The following XYLB variants were observed in gnomAD, a reference collection of about 807,000 sequenced individuals.
XYLB encodes xylulokinase.
XYLB carries 62 observed loss-of-function variants against 78.7 expected under a neutral mutation model. The observed-to-expected ratio is 0.79, with a 90% confidence interval of 0.64 to 0.97. XYLB has a LOEUF of 0.97. XYLB is among the 50% of genes least tolerant of loss of function. The pLI is 0.00. For synonymous variants in XYLB, 245 were observed against 247.4 expected (o/e 0.99, Z 0.09); for missense variants, 687 against 676.8 (o/e 1.02, Z -0.17).
At chr3:38,381,803 C>T (rs2125617568) in intron 15 of XYLB, among the ~76,000 whole-genome samples, 1 of 152,290 alleles carries the variant, frequency 6.6e-6, no homozygotes, top group South Asian at 2.1e-4. Flanking sequence ...AAGATGTTAC[C>T]AATGACAATG....
chr3:38,371,297 G>T lies in XYLB; in HGVS notation c.765+1123G>T, dbSNP rs569760039. Among the ~76,000 whole-genome samples the T allele has an allele frequency of 1.4e-3, 208 of 149,438 alleles. 1 individual carries two copies. Among genetic ancestry groups the T allele is most frequent in the African/African-American group, 4.9e-3 (200 of 40,500 alleles). On this transcript the variant is annotated intron_variant, in intron 9 of 18. Coordinates refer to ENST00000207870, the MANE Select transcript of XYLB (RefSeq NM_005108.4). ...CTAATTTTTTTTTTTTTTTGAGACA[G>T]AGTCTCGCTTTTGTCACCCAGGCTG... is the stretch of plus-strand genomic sequence containing the variant.
Position 38,349,782 on chromosome 3 carries a change from CCT to C in XYLB, c.140+1156_140+1157del, listed in dbSNP as rs1205096397. 2.6e-5 allele frequency among the ~76,000 whole-genome samples: 4 copies of C among 152,164 alleles called. No homozygotes were observed. The East Asian group carries it at 7.7e-4, about 29-fold the overall frequency. On this transcript the variant is annotated intron_variant, in intron 2 of 18. Coordinates refer to ENST00000207870, the MANE Select transcript of XYLB (RefSeq NM_005108.4). ...CTGGGAAGATTGGTCTCCTCTGGGA[CCT>C]CTCTCCTTGGCTTGCAGGTGACCAC...
At chr3:38,407,661 T>A (rs1575540036) in intron 18 of XYLB, among the ~76,000 whole-genome samples, 1 of 152,030 alleles carries the variant, frequency 6.6e-6, no homozygotes, top group Non-Finnish European at 1.5e-5. Flanking sequence ...GAGACACACA[T>A]AGGCTCAAAA....
chr3:38,389,986 A>T (rs1707581553), intron 15 of XYLB, among the ~76,000 whole-genome samples: 1 of 152,102 alleles, frequency 6.6e-6, no homozygotes, highest in Non-Finnish European at 1.5e-5. Context: ...ATGAATCAGC[A>T]CTTAAGGGCT....
chr3:38,408,805 C>G (rs1175252656), intron 18 of XYLB, among the ~76,000 whole-genome samples: 4 of 151,600 alleles, frequency 2.6e-5, no homozygotes, highest in Admixed American at 6.6e-5. Flanking sequence ...ATAAATTCCT[C>G]GACACATACA....
chr3:38,369,562 C>T lies in XYLB; in HGVS notation c.647-494C>T, dbSNP rs148806102. Among the ~76,000 whole-genome samples the T allele has an allele frequency of 3.0e-3, 456 of 152,306 alleles. 3 individuals carry two copies. Among genetic ancestry groups the T allele is most frequent in the African/African-American group, 0.01 (433 of 41,558 alleles). On this transcript the variant is annotated intron_variant, in intron 8 of 18. Transcript: ENST00000207870. ...TTCTCTCCACCCATGCTCTGGGTTCCCTGTCCTTTCCCATCCTCAGGAAAG... is the reference window on the plus strand; with the variant it reads ...TTCTCTCCACCCATGCTCTGGGTTCTCTGTCCTTTCCCATCCTCAGGAAAG...
chr3:38,411,032 T>C (rs1385691949), intron 18 of XYLB, among the ~76,000 whole-genome samples: 1 of 152,004 alleles, frequency 6.6e-6, no homozygotes, highest in African/African-American at 2.4e-5. Context: ...CATTACTAGG[T>C]ATATACCCAA....
Position 38,414,539 on chromosome 3 carries a change from G to A in XYLB, c.*1526G>A, listed in dbSNP as rs949689703. On this transcript the variant is annotated 3_prime_UTR_variant, in exon 19 of 19. Transcript: ENST00000207870. Reference sequence around the variant, plus strand: ...AAACTGTAACTAAACACTTCAACATGAATTTGAAAATAAATAATTGTGGAT... The same window carrying A: ...AAACTGTAACTAAACACTTCAACATAAATTTGAAAATAAATAATTGTGGAT... The A allele has an allele frequency of 3.3e-5, 5 of 152,046 alleles. No homozygotes were observed. Among genetic ancestry groups the A allele is most frequent in the African/African-American group, 1.2e-4 (5 of 41,382 alleles). The allele number at this position is 152,046 out of a possible 1,614,324, so 9.4% of individuals were successfully genotyped here.
At chr3:38,445,458 G>T in the XYLB span, among the ~76,000 whole-genome samples, 1 of 152,140 alleles carries the variant, frequency 6.6e-6, no homozygotes, top group Non-Finnish European at 1.5e-5. Context: ...TTCTAAAAGC[G>T]GGACTAGTCT....
intron 15 of XYLB, among the ~76,000 whole-genome samples, chr3:38,389,190 T>C (rs1707534666): frequency 6.8e-6 from 1 of 146,636 alleles, no homozygotes; most frequent in Admixed American, 6.9e-5. Context: ...ACAAAGCACA[T>C]CTTGCACCGC....
At chr3:38,375,999 C>A in intron 12 of XYLB, 118 bp from the exon 13 acceptor site, 1 of 739,140 alleles carries the variant, frequency 1.4e-6, no homozygotes, top group Non-Finnish European at 2.4e-6. Flanking sequence ...TGTGCACTGA[C>A]TAGGGGTCGT....
At chr3:38,376,689 G>A (rs557027686) in intron 13 of XYLB, among the ~76,000 whole-genome samples, 1 of 152,348 alleles carries the variant, frequency 6.6e-6, no homozygotes, top group East Asian at 1.9e-4. Context: ...AGGCTGCCAA[G>A]TGAGAGCAGG....
chr3:38,417,900 A>G (rs1191647263), downstream of XYLB, among the ~76,000 whole-genome samples: 2 of 143,740 alleles, frequency 1.4e-5, no homozygotes, highest in South Asian at 2.2e-4. Context: ...AAAAAAAAGT[A>G]TATATATCAG....
downstream of XYLB, among the ~76,000 whole-genome samples, chr3:38,425,184 G>T (rs1025186811): frequency 2.0e-5 from 3 of 152,094 alleles, no homozygotes; most frequent in African/African-American, 4.8e-5. Flanking sequence ...TTCTCACTTT[G>T]TTTGGGCTAC....
At chr3:38,362,661 C>T (rs568808624) in intron 3 of XYLB, among the ~76,000 whole-genome samples, 14 of 150,664 alleles carry the variant, frequency 9.3e-5, no homozygotes, top group African/African-American at 7.3e-5. Flanking sequence ...GACCCTGTCT[C>T]GAAGAAAAAA....
chr3:38,443,838 G>A, the XYLB span, among the ~76,000 whole-genome samples: 4 of 152,184 alleles, frequency 2.6e-5, no homozygotes, highest in African/African-American at 9.7e-5. Flanking sequence ...CTTGAGTTAT[G>A]GTGGACATCA....
chr3:38,440,804 CTCTCTCTCTT>C, the XYLB span, among the ~76,000 whole-genome samples: 110 of 151,916 alleles, frequency 7.2e-4, no homozygotes, highest in African/African-American at 2.4e-3. Context: ...CTACTTCTAT[CTCTCTCTCTT>C]TCTCTCTCTT....
intron 15 of XYLB, among the ~76,000 whole-genome samples, chr3:38,382,038 T>G (rs1707171508): frequency 6.6e-6 from 1 of 152,164 alleles, no homozygotes; most frequent in Non-Finnish European, 1.5e-5. Flanking sequence ...GTGGGATGTC[T>G]CCCCCAGACA....
chr3:38,383,482 A>C (rs1707243310), intron 15 of XYLB, among the ~76,000 whole-genome samples: 1 of 152,252 alleles, frequency 6.6e-6, no homozygotes, highest in Non-Finnish European at 1.5e-5. Flanking sequence ...TGTAATAACA[A>C]GTTTGAAAAA....
Sources: allele counts gnomAD v4.1 joint callset (sites outside exome capture counted in the v4.1 genomes callset), GRCh38; gene constraint gnomAD v4.1.1; transcripts MANE v1.5; gene names NCBI Gene and HGNC (gene_info 2026-07-23, HGNC 2026-07-21).